Variants in ADAMTS17 observed in about 807,000 individuals in gnomAD.
ADAMTS17 encodes A disintegrin and metalloproteinase with thrombospondin motifs 17.
Under a neutral mutation model 141.5 loss-of-function variants are expected in ADAMTS17, and 113 were observed. That is an observed-to-expected ratio of 0.80 (90% CI 0.69 to 0.93). ADAMTS17 has a LOEUF of 0.93. ADAMTS17 is among the 40% of genes least tolerant of loss of function. The pLI, the probability that ADAMTS17 is intolerant of heterozygous loss-of-function variation, is 0.00. For missense variants in ADAMTS17, 1,659 were observed against 1,517.9 expected (o/e 1.09, Z -1.54); for synonymous variants, 768 against 630.6 (o/e 1.22, Z -3.27).
At chr15:100,037,793 G>A (rs920100847) in intron 18 of ADAMTS17, among the ~76,000 whole-genome samples, 5 of 151,120 alleles carry the variant, frequency 3.3e-5, no homozygotes, top group Non-Finnish European at 5.9e-5. Context: ...ATCTTTTTTT[G>A]AGACAAGGTC....
At chr15:100,156,577 C>T (rs1051705277) in intron 8 of ADAMTS17, among the ~76,000 whole-genome samples, 1 of 152,198 alleles carries the variant, frequency 6.6e-6, no homozygotes, top group Non-Finnish European at 1.5e-5. Flanking sequence ...TATTCTTAAA[C>T]CTACTGATGT....
chr15:100,093,217 G>A (rs2035573597), intron 15 of ADAMTS17, among the ~76,000 whole-genome samples: 1 of 152,180 alleles, frequency 6.6e-6, no homozygotes, highest in African/African-American at 2.4e-5. Context: ...CAGAGAGGGA[G>A]ATTTGGCTCT....
chr15:100,118,255 A>T (rs2037264202), intron 12 of ADAMTS17, among the ~76,000 whole-genome samples: 1 of 152,248 alleles, frequency 6.6e-6, no homozygotes, highest in East Asian at 1.9e-4. Flanking sequence ...CTGTGTCCCA[A>T]TAAAACTTTA....
At chr15:100,001,988 C>A (rs1459648880) in intron 18 of ADAMTS17, among the ~76,000 whole-genome samples, 343 of 39,028 alleles carry the variant, frequency 8.8e-3, no homozygotes, top group Non-Finnish European at 0.01. Flanking sequence ...AAAAAAAGGC[C>A]AAACCCAAAA....
chr15:100,032,937 C>T (rs2030327428), intron 18 of ADAMTS17, among the ~76,000 whole-genome samples: 1 of 152,182 alleles, frequency 6.6e-6, no homozygotes, highest in African/African-American at 2.4e-5. Context: ...CTGGCCCATT[C>T]CCAAAGAGCT....
In ADAMTS17 at chr15:100,082,795, G is replaced by C. The variant is rs8024470; in HGVS notation, c.2137+13561C>G. Among the ~76,000 whole-genome samples the C allele has an allele frequency of 8.4e-3, 979 of 117,118 alleles. 9 individuals are homozygous for C. The highest frequency in any genetic ancestry group is 0.029 in the African/African-American group (935 of 31,764). The allele number at this position is 117,118 out of a possible 152,430, so 76.8% of individuals were successfully genotyped here. On this transcript the variant is annotated intron_variant, in intron 15 of 21. Transcript: ENST00000268070. ...TTTTTTTTTTTTTCAGTTCATCTTG[G>C]TTTTTCTCATTTGTGTTGCAGACTC...
intron 10 of ADAMTS17, among the ~76,000 whole-genome samples, chr15:100,135,944 A>G (rs1286013001): frequency 1.3e-5 from 2 of 152,214 alleles, no homozygotes; most frequent in African/African-American, 2.4e-5. Flanking sequence ...ATTGGGAACA[A>G]TGGGGCACAA....
rs371805464 is a variant in ADAMTS17, at chr15:100,261,646, G to C, written c.874-10C>G. ...CAATGGACAACTTAGCCTAAAAAAA[G>C]TCAGAGGACAGTTAGAGAAACAAAC... On this transcript the variant is annotated splice_polypyrimidine_tract_variant and intron_variant, in intron 5 of 21. Coordinates refer to ENST00000268070, the MANE Select transcript of ADAMTS17 (RefSeq NM_139057.4). 6.2e-7 allele frequency: 1 copy of C among 1,612,890 alleles called. No homozygotes were observed. Among genetic ancestry groups the C allele is most frequent in the Non-Finnish European group, 8.5e-7 (1 of 1,179,464 alleles).
intron 17 of ADAMTS17, 143 bp from the exon 18 acceptor site, chr15:100,049,135 T>G: frequency 7.8e-7 from 1 of 1,278,950 alleles, no homozygotes; most frequent in Non-Finnish European, 1.1e-6. Context: ...GTCATGTGGG[T>G]TTTTAGAGAG....
Position 100,217,301 on chromosome 15 carries a change from G to T in ADAMTS17, c.1076-17878C>A, listed in dbSNP as rs774426159. On this transcript the variant is annotated intron_variant, in intron 7 of 21. Coordinates refer to ENST00000268070, the MANE Select transcript of ADAMTS17 (RefSeq NM_139057.4). ...ATCATACACAAAAATTAACTCAGAG[G>T]GGATCACAGACCTAAACGTAAGACT... is the stretch of plus-strand genomic sequence containing the variant. Among the ~76,000 whole-genome samples the T allele has an allele frequency of 2.2e-4, 33 of 152,106 alleles. 1 individual carries two copies. Among genetic ancestry groups the T allele is most frequent in the Admixed American group, 8.5e-4 (13 of 15,272 alleles).
intron 18 of ADAMTS17, among the ~76,000 whole-genome samples, chr15:100,011,054 A>G (rs975409431): frequency 3.3e-5 from 5 of 151,868 alleles, no homozygotes; most frequent in South Asian, 2.1e-4. Context: ...GACGCAGACA[A>G]CGTTGTCTTT....
intron 7 of ADAMTS17, among the ~76,000 whole-genome samples, chr15:100,248,382 A>G (rs2043050957): frequency 2.0e-5 from 3 of 152,180 alleles, no homozygotes; most frequent in Middle Eastern, 3.2e-3. Flanking sequence ...AGGCTTGGAG[A>G]GAAGCGGCTG....
In ADAMTS17 at chr15:99,973,092, T is replaced by C. The variant is rs1347450046; in HGVS notation, c.*1310A>G. Reference sequence around the variant, plus strand: ...CCCGGCCTCCTTGCAGGTAGGGTGCTACCATCCTCTGTGCTCTCAAAGAGG... The same window carrying C: ...CCCGGCCTCCTTGCAGGTAGGGTGCCACCATCCTCTGTGCTCTCAAAGAGG... On this transcript the variant is annotated 3_prime_UTR_variant, in exon 22 of 22. Coordinates refer to ENST00000268070, the MANE Select transcript of ADAMTS17 (RefSeq NM_139057.4). 6.6e-6 allele frequency: 1 copy of C among 152,110 alleles called. No homozygotes were observed. Among genetic ancestry groups the C allele is most frequent in the Non-Finnish European group, 1.5e-5 (1 of 68,046 alleles). The allele number at this position is 152,110 out of a possible 1,614,324, so 9.4% of individuals were successfully genotyped here.
intron 8 of ADAMTS17, among the ~76,000 whole-genome samples, chr15:100,185,499 A>G (rs576907752): frequency 1.3e-5 from 2 of 152,294 alleles, no homozygotes; most frequent in East Asian, 3.9e-4. Flanking sequence ...AACCTCTTCA[A>G]ACTCCAAAAA....
intron 18 of ADAMTS17, among the ~76,000 whole-genome samples, chr15:100,047,392 C>G (rs1419723070): frequency 6.6e-6 from 1 of 150,790 alleles, no homozygotes; most frequent in Non-Finnish European, 1.5e-5. Context: ...CACTCCCTCC[C>G]CTTTTGAAAA....
At chr15:100,310,161 A>C (rs1008543298) in intron 3 of ADAMTS17, among the ~76,000 whole-genome samples, 14 of 152,174 alleles carry the variant, frequency 9.2e-5, no homozygotes, top group African/African-American at 3.4e-4. Flanking sequence ...CTGCACCAAC[A>C]AGATGATTAA....
rs2041236858 is a variant in ADAMTS17 at position 100,199,422 on chromosome 15, T to G, written c.1077A>C (p.Gly359=). Residue 359 remains glycine (G), a splice_region_variant and synonymous_variant, in exon 8 of 22, where the codon GGA becomes GGC. Coordinates refer to ENST00000268070, the MANE Select transcript of ADAMTS17 (RefSeq NM_139057.4). ...VHKDEPCDTV[G]IAYLGGVCSA... is the part of the protein sequence containing the mutation. ...TGCACACACCTCCTAAGTAAGCAAT[T>G]CCTGCAGCAGAGACACAAAACACAT... 3.7e-6 allele frequency: 6 copies of G among 1,613,668 alleles called. No individual in the cohort carries two copies. The highest frequency in any genetic ancestry group is 5.1e-6 in the Non-Finnish European group (6 of 1,179,806).
intron 7 of ADAMTS17, among the ~76,000 whole-genome samples, chr15:100,236,596 G>A (rs2042662483): frequency 6.6e-6 from 1 of 152,214 alleles, no homozygotes; most frequent in South Asian, 2.1e-4. Context: ...CCAGCAGCTT[G>A]GGAGGCTGAG....
intron 3 of ADAMTS17, among the ~76,000 whole-genome samples, chr15:100,294,237 C>T (rs1419145992): frequency 6.6e-6 from 1 of 152,114 alleles, no homozygotes; most frequent in Non-Finnish European, 1.5e-5. Context: ...TTTTGCATGT[C>T]CCCAGAACCA....
Sources: gnomAD v4.1 joint callset for allele counts (sites outside exome capture counted in the v4.1 genomes callset) on GRCh38, gnomAD v4.1.1 for gene constraint, MANE v1.5 for transcripts, NCBI Gene and HGNC (gene_info 2026-07-23, HGNC 2026-07-21) for gene names.